GRM7: variants seen among roughly 807,000 people sequenced by gnomAD.
GRM7 encodes the protein glutamate metabotropic receptor 7.
GRM7 carries 35 observed loss-of-function variants against 84.5 expected under a neutral mutation model. The ratio of observed to expected loss-of-function variants is 0.41; its 90% CI spans 0.32 to 0.55. GRM7 has a LOEUF of 0.55. Among genes scored for constraint, GRM7 ranks in the 20% least tolerant of loss-of-function variants. The probability of loss-of-function intolerance (pLI) is 0.19; values close to 1 mark genes in which losing one functional copy is unlikely to be tolerated. For missense variants in GRM7, 1,003 were observed against 1,194.6 expected, an observed-to-expected ratio of 0.84 and a Z score of 2.36; for synonymous variants, 487 against 455.1, an observed-to-expected ratio of 1.07 and a Z score of -0.89.
chr3:7,423,023 C>G (rs1303954092), intron 5 of GRM7, among the ~76,000 whole-genome samples: 1 of 152,156 alleles, frequency 6.6e-6, no homozygotes, highest in African/African-American at 2.4e-5. Context: ...GGCTGAATAT[C>G]TTCAGCCTTA....
intron 9 of GRM7, among the ~76,000 whole-genome samples, chr3:7,737,615 T>C (rs956600770): frequency 6.6e-6 from 1 of 152,162 alleles, no homozygotes; most frequent in African/African-American, 2.4e-5. Flanking sequence ...ACATTGGACA[T>C]TGCTGTGAAA....
At chr3:7,153,224 G>A (rs931905907) in intron 2 of GRM7, among the ~76,000 whole-genome samples, 3 of 142,908 alleles carry the variant, frequency 2.1e-5, no homozygotes, top group Non-Finnish European at 4.5e-5. Context: ...CTGGCCTTCA[G>A]AGGGATTCTG....
At position 6,999,297 on chromosome 3, in the gene GRM7, G is replaced by T. The variant is rs142938960; in HGVS notation, c.519+137390G>T. ...AGAACACCTCAGCATGGACTTCATTGTCCATATCACTGTCAGCATTTTGGT... is the reference window on the plus strand; with the variant it reads ...AGAACACCTCAGCATGGACTTCATTTTCCATATCACTGTCAGCATTTTGGT... On this transcript the variant is annotated intron_variant, in intron 1 of 9. Transcript: ENST00000357716. Among the ~76,000 whole-genome samples, 3 of 152,274 alleles carry T rather than the reference G, an allele frequency of 2.0e-5. No homozygotes were observed. In the South Asian group the frequency reaches 6.2e-4, roughly 32 times the overall value.
At chr3:7,507,235 A>T (rs1700065910) in intron 7 of GRM7, among the ~76,000 whole-genome samples, 1 of 152,210 alleles carries the variant, frequency 6.6e-6, no homozygotes. Context: ...AGAGGCAGGG[A>T]AAAATCCAGT....
intron 6 of GRM7, among the ~76,000 whole-genome samples, chr3:7,456,714 T>C (rs918124028): frequency 6.6e-6 from 1 of 151,878 alleles, no homozygotes; most frequent in African/African-American, 2.4e-5. Flanking sequence ...TTTGTCATCA[T>C]TGTAATCACA....
intron 7 of GRM7, among the ~76,000 whole-genome samples, chr3:7,565,701 C>T (rs1311327020): frequency 6.6e-6 from 1 of 152,102 alleles, no homozygotes; most frequent in Non-Finnish European, 1.5e-5. Context: ...ATTAGACCTG[C>T]ACATTAAAAG....
At chr3:7,073,740 T>C (rs73029533) in intron 1 of GRM7, among the ~76,000 whole-genome samples, 27,507 of 152,146 alleles carry the variant, frequency 0.18, 2,640 homozygotes, top group South Asian at 0.23. Context: ...GTTTATAATA[T>C]GGTACTTCTG....
intron 7 of GRM7, among the ~76,000 whole-genome samples, chr3:7,505,506 TG>T (rs1700013963): frequency 1.3e-5 from 2 of 152,244 alleles, no homozygotes; most frequent in Admixed American, 6.5e-5. Flanking sequence ...AACCACCGTG[TG>T]GTCTATGTCT....
intron 9 of GRM7, among the ~76,000 whole-genome samples, chr3:7,738,145 G>T (rs1003551087): frequency 6.6e-6 from 1 of 152,090 alleles, no homozygotes; most frequent in African/African-American, 2.4e-5. Flanking sequence ...AACCATACCC[G>T]GCCTCTCCCA....
intron 8 of GRM7, among the ~76,000 whole-genome samples, chr3:7,671,804 G>T (rs1699929567): frequency 6.6e-6 from 1 of 151,980 alleles, no homozygotes; most frequent in African/African-American, 2.4e-5. Context: ...GACAGGGACT[G>T]TGTTACCTAC....
intron 9 of GRM7, among the ~76,000 whole-genome samples, chr3:7,705,579 A>C: frequency 6.6e-6 from 1 of 152,216 alleles, no homozygotes; most frequent in East Asian, 1.9e-4. Context: ...GCTTTCTTAA[A>C]GGTTTGTGTG....
intron 1 of GRM7, among the ~76,000 whole-genome samples, chr3:6,960,161 G>A (rs1693235099): frequency 6.6e-6 from 1 of 152,148 alleles, no homozygotes; most frequent in Non-Finnish European, 1.5e-5. Context: ...GCCCCAGTGT[G>A]TATCCCAGGC....
intron 4 of GRM7, among the ~76,000 whole-genome samples, chr3:7,397,323 A>G (rs930731399): frequency 5.3e-5 from 8 of 152,188 alleles, no homozygotes; most frequent in African/African-American, 1.9e-4. Context: ...CACCATTAGA[A>G]GAAAGTTCTG....
At chr3:7,374,196 G>A (rs114756665) in intron 4 of GRM7, among the ~76,000 whole-genome samples, 2,450 of 152,044 alleles carry the variant, frequency 0.016, 36 homozygotes, top group Non-Finnish European at 0.027. Flanking sequence ...TCAAGGTCCA[G>A]CACTTATAGA....
chr3:6,925,573 A>G (rs890377814), intron 1 of GRM7, among the ~76,000 whole-genome samples: 4 of 152,198 alleles, frequency 2.6e-5, no homozygotes, highest in Admixed American at 6.5e-5. Context: ...TGATTTTAGA[A>G]CTTGAGGTCA....
chr3:7,158,890 A>G (rs143692417), intron 2 of GRM7, among the ~76,000 whole-genome samples: 88 of 152,330 alleles, frequency 5.8e-4, no homozygotes, highest in African/African-American at 2.0e-3. Context: ...CTAATTCCTT[A>G]AAGGTAGTTT....
At chr3:7,068,741 G>A (rs1260491104) in intron 1 of GRM7, among the ~76,000 whole-genome samples, 3 of 151,810 alleles carry the variant, frequency 2.0e-5, no homozygotes, top group Non-Finnish European at 4.4e-5. Flanking sequence ...GAAATTCTTA[G>A]CAATGCATAT....
chr3:6,884,986 A>G (rs1382786200), intron 1 of GRM7, among the ~76,000 whole-genome samples: 2 of 152,140 alleles, frequency 1.3e-5, no homozygotes, highest in Admixed American at 1.3e-4. Flanking sequence ...AACTCTTCCA[A>G]TACTCCACAT....
chr3:7,289,228 G>T (rs78847510), intron 2 of GRM7, among the ~76,000 whole-genome samples: 1,616 of 152,256 alleles, frequency 0.011, 17 homozygotes, highest in South Asian at 0.03. Flanking sequence ...CTTGTTCAGG[G>T]AAAGGAACAG....
Sources: allele counts gnomAD v4.1 joint callset (sites outside exome capture counted in the v4.1 genomes callset), GRCh38; gene constraint gnomAD v4.1.1; transcripts MANE v1.5; gene names NCBI Gene and HGNC (gene_info 2026-07-23, HGNC 2026-07-21).